Variants in MMS22L observed in about 807,000 individuals in gnomAD.
MMS22L encodes MMS22 like, DNA repair protein.
A neutral mutation model predicts 159.1 loss-of-function variants in MMS22L; 74 were observed. The ratio of observed to expected loss-of-function variants is 0.47; its 90% CI spans 0.39 to 0.56. MMS22L has a LOEUF of 0.56. Among genes scored for constraint, MMS22L ranks in the 20% least tolerant of loss-of-function variants. The probability of loss-of-function intolerance (pLI) is 0.00; values close to 1 mark genes in which losing one functional copy is unlikely to be tolerated. For missense variants in MMS22L, 1,351 were observed against 1,422.1 expected, an observed-to-expected ratio of 0.95 and a Z score of 0.80; for synonymous variants, 517 against 506.9, an observed-to-expected ratio of 1.02 and a Z score of -0.27.
At chr6:97,241,423 C>T (rs542948362) in intron 11 of MMS22L, among the ~76,000 whole-genome samples, 165 of 152,196 alleles carry the variant, frequency 1.1e-3, no homozygotes, top group Non-Finnish European at 2.0e-3. Context: ...CCACCAGCAA[C>T]GTAAGTGTTT....
intron 14 of MMS22L, among the ~76,000 whole-genome samples, chr6:97,222,680 C>T (rs1476393589): frequency 6.6e-6 from 1 of 151,998 alleles, no homozygotes; most frequent in African/African-American, 2.4e-5. Flanking sequence ...ATCACTCACC[C>T]TTACTTCAGT....
chr6:97,199,476 T>C (rs1261072381), intron 14 of MMS22L, among the ~76,000 whole-genome samples: 3 of 152,118 alleles, frequency 2.0e-5, no homozygotes, highest in African/African-American at 7.2e-5. Context: ...CAAATCCAAT[T>C]CTATGTGAAC....
At chr6:97,232,229 T>G (rs1213375438) in intron 12 of MMS22L, among the ~76,000 whole-genome samples, 1 of 152,170 alleles carries the variant, frequency 6.6e-6, no homozygotes, top group Non-Finnish European at 1.5e-5. Context: ...ATGTTAAAAC[T>G]GGTCAGGTTA....
intron 14 of MMS22L, among the ~76,000 whole-genome samples, chr6:97,213,688 G>C (rs1262878749): frequency 6.6e-6 from 1 of 152,032 alleles, no homozygotes; most frequent in Non-Finnish European, 1.5e-5. Flanking sequence ...GTAAAAGAGA[G>C]GCATTAAAAA....
intron 19 of MMS22L, 94 bp downstream of exon 19, chr6:97,172,967 AGG>A: frequency 8.8e-7 from 1 of 1,133,518 alleles, no homozygotes; most frequent in Non-Finnish European, 1.2e-6. Flanking sequence ...GATTGTATGG[AGG>A]GTAGTGATTT....
chr6:97,185,627 T>C (rs1805150096), intron 15 of MMS22L, among the ~76,000 whole-genome samples: 1 of 152,170 alleles, frequency 6.6e-6, no homozygotes, highest in Non-Finnish European at 1.5e-5. Context: ...TCTATCATCG[T>C]AAAGTCCTAA....
chr6:97,209,894 T>C (rs1403169993), intron 14 of MMS22L, among the ~76,000 whole-genome samples: 2 of 151,970 alleles, frequency 1.3e-5, no homozygotes, highest in Non-Finnish European at 2.9e-5. Context: ...GAAAACTAAA[T>C]AATGGTAATT....
chr6:97,197,057 C>CA (rs1159661161), intron 14 of MMS22L, among the ~76,000 whole-genome samples: 44 of 150,082 alleles, frequency 2.9e-4, no homozygotes, highest in East Asian at 5.8e-4. Context: ...AGTTAACACA[C>CA]ACAAAAAAAA....
intron 21 of MMS22L, 32 bp from the exon 22 acceptor site, chr6:97,162,197 C>CT (rs758381927): frequency 6.4e-7 from 1 of 1,566,952 alleles, no homozygotes; most frequent in East Asian, 2.3e-5. Flanking sequence ...TTATTCTCTG[C>CT]TTAAAGCTTC....
intron 18 of MMS22L, 63 bp downstream of exon 18, chr6:97,178,380 T>C (rs1349793253): frequency 8.0e-7 from 1 of 1,244,334 alleles, no homozygotes; most frequent in African/African-American, 1.5e-5. Context: ...TAAGAATACT[T>C]CAGGTTTTTC....
intron 14 of MMS22L, among the ~76,000 whole-genome samples, chr6:97,226,538 G>A (rs1297586970): frequency 6.6e-6 from 1 of 152,068 alleles, no homozygotes; most frequent in Admixed American, 6.5e-5. Context: ...AGGTTGCAGT[G>A]AGCCGAGATG....
At chr6:97,234,708 CA>C (rs1329832880) in intron 11 of MMS22L, among the ~76,000 whole-genome samples, 2 of 152,088 alleles carry the variant, frequency 1.3e-5, no homozygotes, top group African/African-American at 4.8e-5. Flanking sequence ...TAAATTTGAA[CA>C]GAAGTAACTG....
chr6:97,255,518 C>A (rs1292246258), intron 9 of MMS22L, among the ~76,000 whole-genome samples: 2 of 151,936 alleles, frequency 1.3e-5, no homozygotes, highest in Non-Finnish European at 2.9e-5. Flanking sequence ...CTTTTACCTT[C>A]TTTGGATTTA....
chr6:97,266,537 T>G (rs1815136624), intron 8 of MMS22L: 1 of 152,198 alleles, frequency 6.6e-6, no homozygotes, highest in South Asian at 2.1e-4. Flanking sequence ...TAACATGATT[T>G]ATTGTACTTA....
rs575908945 is a variant in MMS22L at position 97,191,243 on chromosome 6, G to GCC, written c.2040-4554_2040-4553insGG. Among the ~76,000 whole-genome samples the GCC allele has an allele frequency of 5.2e-3, 797 of 152,226 alleles. 7 individuals are homozygous for GCC. Among genetic ancestry groups the GCC allele is most frequent in the African/African-American group, 0.018 (743 of 41,546 alleles). On this transcript the variant is annotated intron_variant, in intron 14 of 24. Transcript: ENST00000683635. ...CCTGAAACTTCTACCTGCCAGTCTG[G>GCC]TCTCTCAGTTTCTGCTCCTCCCTAG...
At chr6:97,158,902 T>G (rs1210756798) in intron 22 of MMS22L, among the ~76,000 whole-genome samples, 1 of 152,042 alleles carries the variant, frequency 6.6e-6, no homozygotes, top group Non-Finnish European at 1.5e-5. Context: ...ATATTGACAG[T>G]GGGGTGTTAA....
intron 14 of MMS22L, among the ~76,000 whole-genome samples, chr6:97,202,857 T>C (rs577292333): frequency 6.6e-6 from 1 of 152,300 alleles, no homozygotes; most frequent in East Asian, 1.9e-4. Flanking sequence ...ATCACCAACA[T>C]TTATTCATTA....
chr6:97,273,057 C>T lies in MMS22L; in HGVS notation c.346G>A (p.Val116Ile), dbSNP rs770628837. 5 of 1,602,716 alleles carry T rather than the reference C, an allele frequency of 3.1e-6. No individual in the cohort carries two copies. Among genetic ancestry groups the T allele is most frequent in the Non-Finnish European group, 4.2e-6 (5 of 1,177,154 alleles). Reference protein sequence around the residue: ...LLQSSCDFGKVSTLHCKADNI... With the variant: ...LLQSSCDFGKISTLHCKADNI... The stretch of plus-strand genomic sequence containing the variant: ...TCTGCTTTGCAGTGTAGAGTTGATA[C>T]CTTCCCTGAAACCAAAATAGACAAT... Residue 116 changes from valine to isoleucine, a missense_variant, in exon 5 of 25, where the codon GTA becomes ATA. Physicochemically the swap from Val to Ile is conservative, Grantham distance 29. Coordinates refer to ENST00000683635, the MANE Select transcript of MMS22L (RefSeq NM_001350599.2).
chr6:97,193,762 T>G (rs978028386), intron 14 of MMS22L, among the ~76,000 whole-genome samples: 2 of 152,190 alleles, frequency 1.3e-5, no homozygotes, highest in Non-Finnish European at 1.5e-5. Context: ...TTTATTTTAT[T>G]TATTTATTTA....
Sources: allele counts gnomAD v4.1 joint callset (sites outside exome capture counted in the v4.1 genomes callset), GRCh38; gene constraint gnomAD v4.1.1; transcripts MANE v1.5; gene names NCBI Gene and HGNC (gene_info 2026-07-23, HGNC 2026-07-21).